The following STAM variants were observed in gnomAD, a reference collection of about 807,000 sequenced individuals.
STAM encodes the protein signal transducing adaptor molecule.
STAM carries 16 observed loss-of-function variants against 63.4 expected under a neutral mutation model. The ratio of observed to expected loss-of-function variants is 0.25; its 90% CI spans 0.17 to 0.38. STAM has a LOEUF of 0.38. Among genes scored for constraint, STAM ranks in the 10% least tolerant of loss-of-function variants. The probability of loss-of-function intolerance (pLI) is 1.00; values close to 1 mark genes in which losing one functional copy is unlikely to be tolerated. For missense variants in STAM, 636 were observed against 657.1 expected (o/e 0.97, Z 0.35); for synonymous variants, 238 against 223.9 (o/e 1.06, Z -0.56).
At chr10:17,683,298 C>T (rs1244437569) in intron 2 of STAM, among the ~76,000 whole-genome samples, 1 of 152,026 alleles carries the variant, frequency 6.6e-6, no homozygotes, top group African/African-American at 2.4e-5. Flanking sequence ...TCACTGCGCC[C>T]ATAGGAGCTG....
At chr10:17,647,101 T>C (rs1554820940) in intron 1 of STAM, among the ~76,000 whole-genome samples, 3 of 152,206 alleles carry the variant, frequency 2.0e-5, no homozygotes, top group African/African-American at 7.2e-5. Flanking sequence ...GGATTTTTGT[T>C]TGATTTTTTC....
At chr10:17,694,183 A>T (rs574835141) in intron 6 of STAM, among the ~76,000 whole-genome samples, 1 of 151,834 alleles carries the variant, frequency 6.6e-6, no homozygotes, top group East Asian at 1.9e-4. Flanking sequence ...GTAGGTATCT[A>T]CTCCTGGTTT....
Position 17,707,287 on chromosome 10 carries a change from A to G in STAM, c.1210-1489A>G, listed in dbSNP as rs543431224. 2.8e-4 allele frequency among the ~76,000 whole-genome samples: 43 copies of G among 152,104 alleles called. 1 individual carries two copies. The South Asian group carries it at 7.1e-3, about 25-fold the overall frequency. On this transcript the variant is annotated intron_variant, in intron 12 of 13. Transcript: ENST00000377524. ...TAGCCTGGCGTGGTGGTGGGTGCCT[A>G]TAGTCCCAGCTACTTGGGAGGCTGA...
chr10:17,669,354 G>GTT (rs1221257779), intron 2 of STAM, among the ~76,000 whole-genome samples: 10 of 135,268 alleles, frequency 7.4e-5, no homozygotes, highest in Non-Finnish European at 1.1e-4. Flanking sequence ...TGGTCTTGAG[G>GTT]TTTTTTTTTT....
At chr10:17,685,434 G>A (rs1161856341) in intron 4 of STAM, among the ~76,000 whole-genome samples, 1 of 152,140 alleles carries the variant, frequency 6.6e-6, no homozygotes, top group African/African-American at 2.4e-5. Context: ...TTCCACAAGG[G>A]ACTGCCCCAA....
At chr10:17,705,121 A>T in intron 11 of STAM, 97 bp downstream of exon 11, 1 of 943,382 alleles carries the variant, frequency 1.1e-6, no homozygotes, top group Non-Finnish European at 1.7e-6. Flanking sequence ...AAAAAAAAAT[A>T]TTGTGGAGGA....
At chr10:17,648,804 T>A (rs1833624216) in intron 1 of STAM, among the ~76,000 whole-genome samples, 1 of 152,220 alleles carries the variant, frequency 6.6e-6, no homozygotes. Flanking sequence ...AGTTACCTGC[T>A]CAGAGTTCTC....
At position 17,644,230 on chromosome 10, in the gene STAM, A is replaced by G. The variant is rs1431754732; in HGVS notation, c.-110A>G. ...GGAGGAGCTGTCGCGGACCCTGTAG[A>G]GTCGGTCTCTGTTGCTCTTTTTGCC... On this transcript the variant is annotated 5_prime_UTR_variant, in exon 1 of 14. Coordinates refer to ENST00000377524, the MANE Select transcript of STAM (RefSeq NM_003473.4). 15 of 1,183,976 alleles carry G rather than the reference A, an allele frequency of 1.3e-5. No homozygotes were observed. Among genetic ancestry groups the G allele is most frequent in the Non-Finnish European group, 1.7e-5 (14 of 804,232 alleles). 73.3% of individuals were successfully genotyped at this position (1,183,976 alleles called of 1,614,324 possible). A position where few individuals can be genotyped will look rare whatever the true frequency, so the allele number is the denominator to read the frequency against.
intron 2 of STAM, among the ~76,000 whole-genome samples, 159 bp downstream of exon 2, chr10:17,660,707 C>T (rs1834132753): frequency 6.6e-6 from 1 of 152,136 alleles, no homozygotes; most frequent in South Asian, 2.1e-4. Flanking sequence ...GTGATGATTA[C>T]ACCCATGAAC....
At chr10:17,714,512 G>A (rs1589123886) in intron 13 of STAM, 31 bp from the exon 14 acceptor site, 1 of 1,585,634 alleles carries the variant, frequency 6.3e-7, no homozygotes, top group East Asian at 2.2e-5. Flanking sequence ...AATCAGTATT[G>A]ATGTAATTGA....
At chr10:17,683,821 T>G (rs1554825763) in intron 2 of STAM, among the ~76,000 whole-genome samples, 1 of 152,252 alleles carries the variant, frequency 6.6e-6, no homozygotes, top group East Asian at 1.9e-4. Context: ...CTTCTTCATA[T>G]CATGTCTTCA....
At chr10:17,706,369 C>CTTTTTTTT (rs59585445) in intron 12 of STAM, among the ~76,000 whole-genome samples, 5 of 70,184 alleles carry the variant, frequency 7.1e-5, no homozygotes, top group Non-Finnish European at 9.8e-5. Context: ...GGTTGAGGCC[C>CTTTTTTTT]TTTTTTTTTT....
At chr10:17,663,993 A>C (rs1230101360) in intron 2 of STAM, among the ~76,000 whole-genome samples, 1 of 151,938 alleles carries the variant, frequency 6.6e-6, no homozygotes, top group African/African-American at 2.4e-5. Flanking sequence ...TTATGACTAC[A>C]TTGTTTTAAG....
At chr10:17,705,129 G>T in intron 11 of STAM, 105 bp downstream of exon 11, 1 of 879,306 alleles carries the variant, frequency 1.1e-6, no homozygotes, top group Non-Finnish European at 1.8e-6. Flanking sequence ...ATATTGTGGA[G>T]GAACCAACTC....
In STAM at chr10:17,698,261, G is replaced by A. The variant is rs1308956469; in HGVS notation, c.823+1392G>A. ...GTCAACCTTGTTTAAATGGCATTGC[G>A]TAGTGTGCTGACTTTTTAATAACCT... On this transcript the variant is annotated intron_variant, in intron 8 of 13. Transcript: ENST00000377524. 4.6e-5 allele frequency among the ~76,000 whole-genome samples: 7 copies of A among 152,060 alleles called. No individual in the cohort carries two copies. In the East Asian group the frequency reaches 1.2e-3, roughly 25 times the overall value.
At position 17,644,194 on chromosome 10, in the gene STAM, G is replaced by A. The variant is rs961798169; in HGVS notation, c.-146G>A. 11 of 825,420 alleles carry A rather than the reference G, an allele frequency of 1.3e-5. No individual in the cohort carries two copies. Among genetic ancestry groups the A allele is most frequent in the South Asian group, 1.3e-4 (9 of 69,124 alleles). 51.1% of individuals were successfully genotyped at this position (825,420 alleles called of 1,614,324 possible). A position where few individuals can be genotyped will look rare whatever the true frequency, so the allele number is the denominator to read the frequency against. ...CGCAGCTGCTGCCGCGGTTGGTGGG[G>A]TTGGGTGAGAGGAGGAGCTGTCGCG... is the stretch of plus-strand genomic sequence containing the variant. On this transcript the variant is annotated 5_prime_UTR_variant, in exon 1 of 14. Coordinates refer to ENST00000377524, the MANE Select transcript of STAM (RefSeq NM_003473.4).
chr10:17,709,046 AT>A, intron 13 of STAM, 95 bp downstream of exon 13: 1 of 1,438,758 alleles, frequency 7.0e-7, no homozygotes, highest in Non-Finnish European at 9.5e-7. Flanking sequence ...GCTAATAAAT[AT>A]CTGTGGTCAG....
intron 4 of STAM, 140 bp from the exon 5 acceptor site, chr10:17,687,887 A>G (rs1835359896): frequency 1.7e-6 from 1 of 588,564 alleles, no homozygotes; most frequent in Non-Finnish European, 2.6e-6. Flanking sequence ...TTTATTTCGA[A>G]TAACTATATT....
At position 17,716,100 on chromosome 10, in the gene STAM, A is replaced by C. The variant is rs1352401325; in HGVS notation, c.*1320A>C. Among the ~76,000 whole-genome samples the C allele has an allele frequency of 3.3e-5, 5 of 152,096 alleles. No homozygotes were observed. Among genetic ancestry groups the C allele is most frequent in the Admixed American group, 2.0e-4 (3 of 15,276 alleles). ...TGTTTTCCACTGACATTGTAATCTTAAATATTTACGATTTCCCTGGTTGGG... is the reference window on the plus strand; with the variant it reads ...TGTTTTCCACTGACATTGTAATCTTCAATATTTACGATTTCCCTGGTTGGG... On this transcript the variant is annotated 3_prime_UTR_variant, in exon 14 of 14. Transcript: ENST00000377524.
Sources: allele counts gnomAD v4.1 joint callset (sites outside exome capture counted in the v4.1 genomes callset), GRCh38; gene constraint gnomAD v4.1.1; transcripts MANE v1.5; gene names NCBI Gene and HGNC (gene_info 2026-07-23, HGNC 2026-07-21).